The following TBC1D19 variants were observed in gnomAD, a reference collection of about 807,000 sequenced individuals.
The protein encoded by TBC1D19 is TBC1 domain family, member 19.
Under a neutral mutation model 89.0 loss-of-function variants are expected in TBC1D19, and 60 were observed. The ratio of observed to expected loss-of-function variants is 0.67; its 90% CI spans 0.55 to 0.84. The LOEUF is 0.84. TBC1D19 is among the 40% of genes least tolerant of loss of function. The pLI is 0.00. For missense variants in TBC1D19, 500 were observed against 610.8 expected, an observed-to-expected ratio of 0.82 and a Z score of 1.91; for synonymous variants, 189 against 199.7, an observed-to-expected ratio of 0.95 and a Z score of 0.45.
rs770103647 is a variant in TBC1D19 at position 26,748,520 on chromosome 4, C to T, written c.1429C>T (p.Leu477Phe). The change falls in exon 19 of 21, where the codon CTT (leucine) becomes TTT (phenylalanine). Residue 477 changes from leucine (L) to phenylalanine (F), a missense_variant. This residue lies in a region of TBC1D19 where 220 missense variants were observed against 319.1 expected (regional missense o/e 0.69). Coordinates refer to ENST00000264866, the MANE Select transcript of TBC1D19 (RefSeq NM_018317.4). ...CCTAGGATACAACTCTCTGGAAATT[C>T]TTGCTGGTAAGAGTAAATGCTTGTT... The part of the protein sequence containing the change: ...RILGYNSLEI[L>F]AVLAAAVFAF... 5 of 1,610,422 alleles carry T rather than the reference C, an allele frequency of 3.1e-6. No homozygotes were observed. In the East Asian group the frequency reaches 6.7e-5, roughly 22 times the overall value.
intron 12 of TBC1D19, among the ~76,000 whole-genome samples, chr4:26,686,715 T>C (rs1233411275): frequency 1.3e-5 from 2 of 152,246 alleles, no homozygotes; most frequent in East Asian, 1.9e-4. Context: ...TGAGAATGCA[T>C]GATCTCTACC....
At chr4:26,742,160 G>C (rs1718408826) in intron 17 of TBC1D19, among the ~76,000 whole-genome samples, 1 of 152,188 alleles carries the variant, frequency 6.6e-6, no homozygotes, top group African/African-American at 2.4e-5. Flanking sequence ...AACTAATTTT[G>C]CTGGGGCTAA....
chr4:26,821,843 C>T, the TBC1D19 span, among the ~76,000 whole-genome samples: 8 of 152,330 alleles, frequency 5.3e-5, no homozygotes, highest in South Asian at 8.3e-4. Flanking sequence ...GGTGGCCAGG[C>T]GGACCACTTT....
At chr4:26,593,185 C>G (rs1325208279) in intron 1 of TBC1D19, among the ~76,000 whole-genome samples, 1 of 152,160 alleles carries the variant, frequency 6.6e-6, no homozygotes, top group African/African-American at 2.4e-5. Flanking sequence ...AATAATGCCA[C>G]ATATCTACAA....
At chr4:26,678,678 C>T (rs1713063334) in intron 11 of TBC1D19, among the ~76,000 whole-genome samples, 1 of 151,814 alleles carries the variant, frequency 6.6e-6, no homozygotes, top group Non-Finnish European at 1.5e-5. Flanking sequence ...GGTGACTGCA[C>T]CTGTAAAAAT....
intron 7 of TBC1D19, among the ~76,000 whole-genome samples, chr4:26,645,884 G>T (rs532704531): frequency 1.3e-5 from 2 of 152,164 alleles, no homozygotes; most frequent in Admixed American, 1.3e-4. Context: ...AGCACTTTGG[G>T]AGGCCGAGGC....
chr4:26,823,936 C>G, the TBC1D19 span, among the ~76,000 whole-genome samples: 5 of 152,220 alleles, frequency 3.3e-5, no homozygotes, highest in East Asian at 9.6e-4. Context: ...TAGTGAGCCA[C>G]CCGGGCTGAC....
chr4:26,628,412 A>G (rs897260503), intron 4 of TBC1D19, among the ~76,000 whole-genome samples: 7 of 152,098 alleles, frequency 4.6e-5, no homozygotes. Flanking sequence ...AGTTTTTTCC[A>G]GTTCTGTGAA....
chr4:26,629,423 G>T (rs770258517), intron 4 of TBC1D19, among the ~76,000 whole-genome samples: 20 of 152,138 alleles, frequency 1.3e-4, no homozygotes, highest in Non-Finnish European at 2.5e-4. Context: ...TGTCTGTGAA[G>T]TAGGACCTGA....
At chr4:26,842,587 T>TTC in the TBC1D19 span, among the ~76,000 whole-genome samples, 519 of 34,156 alleles carry the variant, frequency 0.015, 9 homozygotes, top group Middle Eastern at 0.019. Context: ...TCCCTCCCTT[T>TTC]CTTTCTTTCT....
chr4:26,836,552 A>ATAT, the TBC1D19 span, among the ~76,000 whole-genome samples: 1 of 152,226 alleles, frequency 6.6e-6, no homozygotes, highest in South Asian at 2.1e-4. Flanking sequence ...TAGAGGTACG[A>ATAT]ACAGGTGTCT....
the TBC1D19 span, among the ~76,000 whole-genome samples, chr4:26,784,764 A>G: frequency 6.6e-6 from 1 of 152,170 alleles, no homozygotes; most frequent in African/African-American, 2.4e-5. Context: ...TCATGTTCTG[A>G]TACTAAGCAC....
the TBC1D19 span, among the ~76,000 whole-genome samples, chr4:26,809,246 C>T: frequency 1.3e-5 from 2 of 152,210 alleles, no homozygotes; most frequent in South Asian, 4.1e-4. Context: ...TCTCCCTGCT[C>T]TGTGCCCTGC....
chr4:26,609,303 A>G (rs924062576), intron 1 of TBC1D19, among the ~76,000 whole-genome samples: 3 of 152,180 alleles, frequency 2.0e-5, no homozygotes, highest in Non-Finnish European at 2.9e-5. Context: ...TGCAAAAATA[A>G]AGACCCATTC....
At chr4:26,651,432 A>G (rs1412601388) in intron 7 of TBC1D19, among the ~76,000 whole-genome samples, 10 of 152,134 alleles carry the variant, frequency 6.6e-5, no homozygotes, top group Non-Finnish European at 1.2e-4. Flanking sequence ...GGTCCTTCAC[A>G]TCCCTTGTAA....
At chr4:26,835,974 G>GCTCTCTCTCT in the TBC1D19 span, among the ~76,000 whole-genome samples, 308 of 143,546 alleles carry the variant, frequency 2.1e-3, 1 homozygote, top group African/African-American at 7.7e-3. Flanking sequence ...CATGTGAAGT[G>GCTCTCTCTCT]CTCTCTCTCT....
At chr4:26,777,927 A>G in the TBC1D19 span, among the ~76,000 whole-genome samples, 2 of 152,172 alleles carry the variant, frequency 1.3e-5, no homozygotes, top group African/African-American at 4.8e-5. Flanking sequence ...TAAAAAATTA[A>G]CAGGGCGTGG....
At chr4:26,622,363 C>T (rs1171528386) in intron 4 of TBC1D19, among the ~76,000 whole-genome samples, 1 of 151,702 alleles carries the variant, frequency 6.6e-6, no homozygotes, top group Admixed American at 6.6e-5. Flanking sequence ...TTTTAACATA[C>T]TAGGTGTAAG....
chr4:26,642,366 G>T (rs138717111), intron 7 of TBC1D19, among the ~76,000 whole-genome samples: 1,559 of 152,320 alleles, frequency 0.01, 17 homozygotes, highest in African/African-American at 0.033. Flanking sequence ...ATCCTTTACA[G>T]ACAAGCAAAT....
Sources: allele counts gnomAD v4.1 joint callset (sites outside exome capture counted in the v4.1 genomes callset), GRCh38; gene constraint gnomAD v4.1.1; regional missense constraint gnomAD v4.1.1; transcripts MANE v1.5; gene names NCBI Gene and HGNC (gene_info 2026-07-23, HGNC 2026-07-21).